Variants in CAPZA1 observed in about 807,000 individuals in gnomAD.
CAPZA1 encodes F-actin-capping protein subunit alpha-1.
Under a neutral mutation model 40.8 loss-of-function variants are expected in CAPZA1, and 10 were observed. The ratio of observed to expected loss-of-function variants is 0.25; its 90% CI spans 0.15 to 0.42. The LOEUF (loss-of-function observed/expected upper bound fraction) is 0.42. Among genes scored for constraint, CAPZA1 ranks in the 10% least tolerant of loss-of-function variants. The pLI, the probability that CAPZA1 is intolerant of heterozygous loss-of-function variation, is 1.00. For missense variants in CAPZA1, 277 were observed against 353.8 expected, an observed-to-expected ratio of 0.78 and a Z score of 1.74; for synonymous variants, 98 against 115.0, an observed-to-expected ratio of 0.85 and a Z score of 0.95.
At chr1:112,649,287 G>A (rs1671341242) in intron 2 of CAPZA1, 131 bp from the exon 3 acceptor site, 2 of 647,998 alleles carry the variant, frequency 3.1e-6, no homozygotes, top group African/African-American at 1.8e-5. Flanking sequence ...TGCATGTTTA[G>A]AATTTCTACT....
chr1:112,636,711 T>C (rs1671027180), intron 1 of CAPZA1, among the ~76,000 whole-genome samples: 1 of 152,170 alleles, frequency 6.6e-6, no homozygotes, highest in African/African-American at 2.4e-5. Flanking sequence ...ATACCTCCCC[T>C]TTATGGGAGA....
chr1:112,664,386 G>A (rs1041081525), intron 7 of CAPZA1, among the ~76,000 whole-genome samples: 1 of 152,140 alleles, frequency 6.6e-6, no homozygotes, highest in Non-Finnish European at 1.5e-5. Flanking sequence ...TCCACAAAGA[G>A]TAAGCCCCTG....
rs1335259059 is a variant in CAPZA1, at chr1:112,619,864, G to C, written c.20G>C (p.Arg7Pro). The C allele has an allele frequency of 1.2e-6, 2 of 1,612,856 alleles. No homozygotes were observed. The highest frequency in any genetic ancestry group is 2.2e-5 in the East Asian group (1 of 44,834). Residue 7 changes from arginine (R) to proline (P), a missense_variant, in exon 1 of 10, where the codon CGT becomes CCT. This residue lies in a region of CAPZA1 where 85 missense variants were observed against 76.5 expected (regional missense o/e 1.11). Coordinates refer to ENST00000263168, the MANE Select transcript of CAPZA1 (RefSeq NM_006135.3). ...CCCAAGATGGCCGACTTCGATGATCGTGTGTCGGATGAGGAGAAGGTAAGG... is the reference window on the plus strand; with the variant it reads ...CCCAAGATGGCCGACTTCGATGATCCTGTGTCGGATGAGGAGAAGGTAAGG... MADFDD[R>P]VSDEEKVRIA...
intron 6 of CAPZA1, 79 bp from the exon 7 acceptor site, chr1:112,659,622 A>T: frequency 2.7e-6 from 3 of 1,094,310 alleles, no homozygotes; most frequent in South Asian, 1.5e-5. Flanking sequence ...CTCTTTCCCA[A>T]CTTCTGTACC....
At chr1:112,625,295 A>G (rs1441141525) in intron 1 of CAPZA1, among the ~76,000 whole-genome samples, 1 of 151,954 alleles carries the variant, frequency 6.6e-6, no homozygotes, top group East Asian at 1.9e-4. Flanking sequence ...TACCAAAATG[A>G]TGGTGTATAT....
intron 1 of CAPZA1, among the ~76,000 whole-genome samples, chr1:112,628,392 T>G (rs1454300828): frequency 6.6e-6 from 1 of 152,216 alleles, no homozygotes; most frequent in Non-Finnish European, 1.5e-5. Flanking sequence ...GATAAACTCA[T>G]TTTAGCTAGG....
chr1:112,634,090 T>C (rs1670973067), intron 1 of CAPZA1, among the ~76,000 whole-genome samples: 1 of 152,182 alleles, frequency 6.6e-6, no homozygotes, highest in Non-Finnish European at 1.5e-5. Flanking sequence ...TTTAGTTTGA[T>C]GCAACATCCG....
chr1:112,669,799 C>A (rs772530423), intron 9 of CAPZA1, among the ~76,000 whole-genome samples, 193 bp from the exon 10 acceptor site: 1 of 152,168 alleles, frequency 6.6e-6, no homozygotes, highest in Non-Finnish European at 1.5e-5. Context: ...GGGACTGTAG[C>A]CCTCATTTTA....
At chr1:112,647,586 G>A (rs1249870225) in intron 2 of CAPZA1, among the ~76,000 whole-genome samples, 3 of 152,122 alleles carry the variant, frequency 2.0e-5, no homozygotes, top group Non-Finnish European at 2.9e-5. Context: ...TATTTTTATC[G>A]TTATAGATCA....
chr1:112,641,530 C>T (rs1671162106), intron 1 of CAPZA1, among the ~76,000 whole-genome samples: 1 of 152,130 alleles, frequency 6.6e-6, no homozygotes, highest in Non-Finnish European at 1.5e-5. Flanking sequence ...TTTTTACTGT[C>T]AGGACCCCTT....
At chr1:112,626,760 C>T (rs1234828742) in intron 1 of CAPZA1, among the ~76,000 whole-genome samples, 3 of 152,148 alleles carry the variant, frequency 2.0e-5, no homozygotes, top group East Asian at 3.8e-4. Flanking sequence ...ACAGCTATAA[C>T]GTATTACAAA....
At chr1:112,659,454 G>T in intron 6 of CAPZA1, 1 of 535,966 alleles carries the variant, frequency 1.9e-6, no homozygotes, top group Non-Finnish European at 3.3e-6. Context: ...TCCATTTCAA[G>T]GGAAAAAAGG....
At chr1:112,645,014 C>CA (rs1671254264) in intron 1 of CAPZA1, among the ~76,000 whole-genome samples, 1 of 152,168 alleles carries the variant, frequency 6.6e-6, no homozygotes, top group South Asian at 2.1e-4. Flanking sequence ...AAGCTGAAGA[C>CA]AAAAACAGCA....
chr1:112,641,217 A>C (rs1671150681), intron 1 of CAPZA1, among the ~76,000 whole-genome samples: 1 of 141,178 alleles, frequency 7.1e-6, no homozygotes, highest in East Asian at 2.6e-4. Context: ...AGAATGATCA[A>C]TAAAAAAAAA....
At chr1:112,629,235 C>T (rs1416617738) in intron 1 of CAPZA1, among the ~76,000 whole-genome samples, 3 of 152,186 alleles carry the variant, frequency 2.0e-5, no homozygotes, top group African/African-American at 4.8e-5. Context: ...TGCATTTGTT[C>T]TTTTCTCTGG....
intron 1 of CAPZA1, among the ~76,000 whole-genome samples, chr1:112,622,694 A>G (rs997593848): frequency 1.3e-5 from 2 of 152,172 alleles, no homozygotes; most frequent in East Asian, 1.9e-4. Flanking sequence ...AGTTTAGACA[A>G]TGCTTTCAGT....
At chr1:112,643,883 C>T (rs1344243149) in intron 1 of CAPZA1, among the ~76,000 whole-genome samples, 3 of 149,746 alleles carry the variant, frequency 2.0e-5, no homozygotes, top group Admixed American at 6.6e-5. Flanking sequence ...CTCACTCTGT[C>T]GCCCAAGCTG....
intron 1 of CAPZA1, among the ~76,000 whole-genome samples, chr1:112,640,949 T>C (rs1160173019): frequency 4.6e-5 from 7 of 152,214 alleles, no homozygotes; most frequent in Admixed American, 4.6e-4. Context: ...CTGAAACATG[T>C]GCTGTGTCCA....
intron 5 of CAPZA1, among the ~76,000 whole-genome samples, chr1:112,657,219 T>G (rs1251960263): frequency 6.6e-6 from 1 of 151,956 alleles, no homozygotes; most frequent in African/African-American, 2.4e-5. Flanking sequence ...CTGTGTGTGT[T>G]GTGTGTGTGT....
Sources: allele counts gnomAD v4.1 joint callset (sites outside exome capture counted in the v4.1 genomes callset), GRCh38; gene constraint gnomAD v4.1.1; regional missense constraint gnomAD v4.1.1; transcripts MANE v1.5; gene names NCBI Gene and HGNC (gene_info 2026-07-23, HGNC 2026-07-21).